BNC2: variants seen among roughly 807,000 people sequenced by gnomAD.
BNC2 encodes the protein basonuclin zinc finger protein 2, also known as zinc finger protein basonuclin-2.
In BNC2, 20 loss-of-function variants were observed where a neutral mutation model predicts 76.3. The ratio of observed to expected loss-of-function variants is 0.26; its 90% CI spans 0.18 to 0.38. BNC2 has a LOEUF of 0.38. BNC2 is among the 10% of genes least tolerant of loss of function. The probability of loss-of-function intolerance (pLI) is 1.00; values close to 1 mark genes in which losing one functional copy is unlikely to be tolerated. For missense variants in BNC2, 1,382 were observed against 1,399.8 expected, an observed-to-expected ratio of 0.99 and a Z score of 0.20; for synonymous variants, 582 against 514.8, an observed-to-expected ratio of 1.13 and a Z score of -1.77.
chr9:16,538,405 T>C (rs1818194382), intron 5 of BNC2, among the ~76,000 whole-genome samples: 1 of 152,186 alleles, frequency 6.6e-6, no homozygotes, highest in African/African-American at 2.4e-5. Flanking sequence ...TACATTTTAA[T>C]TGGCCCAATT....
At chr9:16,609,088 A>G (rs899156183) in intron 3 of BNC2, among the ~76,000 whole-genome samples, 11 of 152,290 alleles carry the variant, frequency 7.2e-5, no homozygotes, top group South Asian at 6.2e-4. Context: ...GAAAGGGGAT[A>G]CAGCAGGCTT....
At chr9:16,850,235 A>G (rs930167190) in intron 1 of BNC2, among the ~76,000 whole-genome samples, 5 of 152,246 alleles carry the variant, frequency 3.3e-5, no homozygotes, top group African/African-American at 4.8e-5. Flanking sequence ...AGAATTTATC[A>G]GGCACTTAAA....
intron 5 of BNC2, among the ~76,000 whole-genome samples, chr9:16,489,988 A>C (rs1349516135): frequency 1.3e-5 from 2 of 152,024 alleles, no homozygotes; most frequent in Non-Finnish European, 2.9e-5. Flanking sequence ...CCCTCAAAAA[A>C]TTTTTCTGCA....
intron 3 of BNC2, among the ~76,000 whole-genome samples, chr9:16,670,091 G>A (rs1317547704): frequency 6.6e-6 from 1 of 152,080 alleles, no homozygotes; most frequent in Non-Finnish European, 1.5e-5. Context: ...CAATCCCACT[G>A]GGTACTATTT....
rs756649517 is a variant in BNC2, at chr9:16,552,762, A to G, written c.437T>C (p.Leu146Ser). The change falls in exon 5 of 7, where the codon TTG (leucine) becomes TCG (serine). Residue 146 changes from leucine to serine, a missense_variant. By Grantham distance (145) the Leu-to-Ser change is moderately radical (BLOSUM62 -2). Around this residue, in one of 3 missense-constraint regions of BNC2, gnomAD observed 557 missense variants for 540.9 expected, o/e 1.03. Transcript: ENST00000380672. ...QCKHGWVAHALDKLSTQHLYH... is the reference protein window; with the variant it reads ...QCKHGWVAHASDKLSTQHLYH... ...CAGGTGCTGCGTGCTGAGCTTATCC[A>G]AGGCTGTGGTGGTCCCGCCAAAGTT... The G allele has an allele frequency of 6.2e-7, 1 of 1,614,066 alleles. No homozygotes were observed.
At chr9:16,538,426 T>G (rs1818195112) in intron 5 of BNC2, among the ~76,000 whole-genome samples, 1 of 152,166 alleles carries the variant, frequency 6.6e-6, no homozygotes, top group Admixed American at 6.5e-5. Flanking sequence ...ACTCCCCACG[T>G]GGCACTGGCA....
At chr9:16,744,915 T>C (rs1317719292) in intron 1 of BNC2, among the ~76,000 whole-genome samples, 7 of 152,242 alleles carry the variant, frequency 4.6e-5, no homozygotes, top group African/African-American at 1.7e-4. Flanking sequence ...CTCTTCATCC[T>C]TTATAGTGTT....
chr9:16,694,916 C>G (rs778633907), intron 3 of BNC2, among the ~76,000 whole-genome samples: 1 of 152,040 alleles, frequency 6.6e-6, no homozygotes, highest in East Asian at 1.9e-4. Context: ...GGGGTGAGAA[C>G]TAGGGGAGAT....
intron 3 of BNC2, among the ~76,000 whole-genome samples, chr9:16,646,265 A>C (rs1163315666): frequency 6.6e-6 from 1 of 152,206 alleles, no homozygotes; most frequent in Non-Finnish European, 1.5e-5. Context: ...TGGGCAGGGA[A>C]GTAGTAAAAA....
intron 3 of BNC2, chr9:16,726,745 T>C (rs1168218627): frequency 6.6e-6 from 1 of 152,146 alleles, no homozygotes; most frequent in Non-Finnish European, 1.5e-5. Flanking sequence ...ACTTGCTTTG[T>C]GTGGGTTTGG....
At chr9:16,730,450 T>C (rs149259622) in intron 2 of BNC2, among the ~76,000 whole-genome samples, 70 of 152,304 alleles carry the variant, frequency 4.6e-4, no homozygotes, top group African/African-American at 1.5e-3. Flanking sequence ...ATTAGCCTTT[T>C]TTCCCCCTAA....
intron 3 of BNC2, among the ~76,000 whole-genome samples, chr9:16,698,251 C>G (rs1016701184): frequency 2.0e-5 from 3 of 152,080 alleles, no homozygotes; most frequent in African/African-American, 7.2e-5. Context: ...AGTATCACAT[C>G]TGTCTTCACC....
At chr9:16,438,879 G>T (rs1821072987) in intron 5 of BNC2, among the ~76,000 whole-genome samples, 1 of 151,978 alleles carries the variant, frequency 6.6e-6, no homozygotes, top group Non-Finnish European at 1.5e-5. Flanking sequence ...CACTTTTGTG[G>T]CATTCTTCTA....
At chr9:16,708,344 C>T (rs1823738110) in intron 3 of BNC2, among the ~76,000 whole-genome samples, 2 of 152,188 alleles carry the variant, frequency 1.3e-5, no homozygotes, top group African/African-American at 4.8e-5. Context: ...AAAGTTTTCT[C>T]ATGAACTTCT....
At chr9:16,665,506 A>T (rs1401969652) in intron 3 of BNC2, among the ~76,000 whole-genome samples, 1 of 151,192 alleles carries the variant, frequency 6.6e-6, no homozygotes, top group Non-Finnish European at 1.5e-5. Context: ...GAGAGAAATC[A>T]CAGCAAATTT....
At chr9:16,629,151 T>C (rs1012377982) in intron 3 of BNC2, among the ~76,000 whole-genome samples, 3 of 152,194 alleles carry the variant, frequency 2.0e-5, no homozygotes, top group African/African-American at 7.2e-5. Context: ...TCGGGAAGGT[T>C]TACCTTTTAT....
chr9:16,612,965 A>T (rs1312273595), intron 3 of BNC2, among the ~76,000 whole-genome samples: 1 of 152,196 alleles, frequency 6.6e-6, no homozygotes, highest in Non-Finnish European at 1.5e-5. Context: ...TCAACAAGCC[A>T]AGATGGGGAA....
chr9:16,727,902 A>G lies in BNC2; in HGVS notation c.225T>C (p.Thr75=), dbSNP rs746662007. Residue 75 remains threonine (T), a synonymous_variant, in exon 3 of 7, where the codon ACT becomes ACC. Transcript: ENST00000380672. ...TGGTTCCGAACTGCATGGAGTTGTC[A>G]GTACAGGAGTCTCTTAAAGTCAAGT... ...ARDLTLRDSC[T]DNSMQFGTRT... 2 of 1,614,176 alleles carry G rather than the reference A, an allele frequency of 1.2e-6. No homozygotes were observed. Among genetic ancestry groups the G allele is most frequent in the South Asian group, 2.2e-5 (2 of 91,072 alleles).
intron 1 of BNC2, among the ~76,000 whole-genome samples, chr9:16,740,834 G>C (rs959279438): frequency 4.0e-5 from 6 of 151,894 alleles, no homozygotes; most frequent in African/African-American, 1.5e-4. Flanking sequence ...AAATGAAAAG[G>C]GTGCCCCTGG....
Sources: allele counts gnomAD v4.1 joint callset (sites outside exome capture counted in the v4.1 genomes callset), GRCh38; gene constraint gnomAD v4.1.1; regional missense constraint gnomAD v4.1.1; transcripts MANE v1.5; gene names NCBI Gene and HGNC (gene_info 2026-07-23, HGNC 2026-07-21).